Variants in ENO1 observed in about 807,000 individuals in gnomAD.
ENO1 encodes alpha-enolase.
A neutral mutation model predicts 46.3 loss-of-function variants in ENO1; 33 were observed. The observed-to-expected ratio is 0.71, with a 90% CI of 0.54 to 0.95. ENO1 has a LOEUF of 0.95. Ranked by LOEUF, ENO1 falls within the 40% of genes least tolerant of loss-of-function variation. ENO1 has a pLI of 0.00. For synonymous variants in ENO1, 220 were observed against 216.0 expected (o/e 1.02, Z -0.16); for missense variants, 488 against 553.3 (o/e 0.88, Z 1.18).
rs183139190 is a variant in ENO1, at chr1:8,867,269, G to A, written c.311-19C>T. The A allele has an allele frequency of 1.1e-3, 1,742 of 1,612,944 alleles. 13 individuals carry two copies. The African/African-American group carries it at 0.017, about 16-fold the overall frequency. On this transcript the variant is annotated intron_variant, in intron 5 of 11. Transcript: ENST00000234590. The stretch of plus-strand genomic sequence containing the variant: ...AACTTAGCTAGAACAGAAGAGAACC[G>A]AGTGGAATGAAGTCATTTCTGATTC...
intron 8 of ENO1, 42 bp downstream of exon 8, chr1:8,865,243 G>A (rs113122347): frequency 1.2e-6 from 2 of 1,605,484 alleles, no homozygotes; most frequent in Non-Finnish European, 1.7e-6. Flanking sequence ...CCTGCTGCAG[G>A]TCAGTGGCAG....
intron 2 of ENO1, among the ~76,000 whole-genome samples, chr1:8,873,389 G>GT (rs1042291362): frequency 1.3e-5 from 2 of 152,310 alleles, no homozygotes; most frequent in African/African-American, 2.4e-5. Context: ...ATCATTTCAT[G>GT]TTTTTTGAAA....
Position 8,862,938 on chromosome 1 carries a change from G to A in ENO1, c.1184C>T (p.Thr395Ile), listed in dbSNP as rs1340307452. 6.2e-7 allele frequency: 1 copy of A among 1,614,044 alleles called. No individual in the cohort carries two copies. The highest frequency in any genetic ancestry group is 1.7e-5 in the Admixed American group (1 of 60,010). Residue 395 changes from threonine (T) to isoleucine (I), a missense_variant, in exon 11 of 12, where the codon ACT becomes ATT. Coordinates refer to ENST00000234590, the MANE Select transcript of ENO1 (RefSeq NM_001428.5). ...VVGLCTGQIK[T>I]GAPCRSERLA... ...GCGCTCAGATCGGCAAGGGGCACCA[G>A]TCTTGATCTAGGAGAAAAGAAAGGC... is the stretch of plus-strand genomic sequence containing the variant.
At chr1:8,865,163 TG>T in intron 8 of ENO1, 121 bp downstream of exon 8, 7 of 1,212,978 alleles carry the variant, frequency 5.8e-6, no homozygotes, top group Non-Finnish European at 7.1e-6. Context: ...CTACGGGAGC[TG>T]GAAGTTCAGA....
intron 6 of ENO1, 95 bp downstream of exon 6, chr1:8,867,022 T>C (rs886610691): frequency 5.1e-5 from 78 of 1,523,570 alleles, no homozygotes; most frequent in Non-Finnish European, 6.6e-5. Context: ...GAGAGTCACA[T>C]GTGTTAGGAT....
intron 1 of ENO1, among the ~76,000 whole-genome samples, chr1:8,877,325 G>A (rs1293646551): frequency 2.0e-5 from 3 of 150,120 alleles, no homozygotes; most frequent in Non-Finnish European, 3.0e-5. Context: ...GACCTCAGGT[G>A]ATCCTGAGGA....
intron 5 of ENO1, among the ~76,000 whole-genome samples, chr1:8,867,609 G>A (rs1557582435): frequency 6.6e-6 from 1 of 151,272 alleles, no homozygotes; most frequent in Non-Finnish European, 1.5e-5. Context: ...AGGCTGCAGT[G>A]CAGCGGCAGG....
chr1:8,871,630 C>T (rs1280578580), intron 3 of ENO1: 3 of 1,276,210 alleles, frequency 2.4e-6, no homozygotes, highest in African/African-American at 3.0e-5. Context: ...AGGAGTATTT[C>T]GCAGATTGGG....
At position 8,874,577 on chromosome 1, in the gene ENO1, CAAAAAAAAAAA is replaced by C. The variant is rs140269736; in HGVS notation, c.85+236_85+246del. On this transcript the variant is annotated intron_variant, in intron 2 of 11. Coordinates refer to ENST00000234590, the MANE Select transcript of ENO1 (RefSeq NM_001428.5). ...TGGGTGACAGAGCAAGACTCCATCTCAAAAAAAAAAAAAAAAAAAAAAAGAAAAAGAAAAAG... is the reference window on the plus strand; with the variant it reads ...TGGGTGACAGAGCAAGACTCCATCTCAAAAAAAAAAAAGAAAAAGAAAAAG... Among the ~76,000 whole-genome samples the C allele has an allele frequency of 1.4e-4, 7 of 51,600 alleles. No homozygotes were observed. In the South Asian group the frequency reaches 4.7e-3, roughly 35 times the overall value. 33.9% of individuals were successfully genotyped at this position (51,600 alleles called of 152,430 possible). A position where few individuals can be genotyped will look rare whatever the true frequency, so the allele number is the denominator to read the frequency against.
intron 6 of ENO1, 140 bp from the exon 7 acceptor site, chr1:8,866,641 G>C: frequency 1.2e-6 from 1 of 857,510 alleles, no homozygotes; most frequent in Non-Finnish European, 1.8e-6. Flanking sequence ...GAGGGGCCAG[G>C]GTGCTGTGAA....
intron 11 of ENO1, among the ~76,000 whole-genome samples, chr1:8,861,650 C>CA (rs1642408152): frequency 6.6e-6 from 1 of 152,134 alleles, no homozygotes; most frequent in South Asian, 2.1e-4. Flanking sequence ...CATCCCAACT[C>CA]ACCATGCTAG....
At chr1:8,878,401 C>T (rs1364957241) in intron 1 of ENO1, 179 bp downstream of exon 1, 5 of 319,712 alleles carry the variant, frequency 1.6e-5, no homozygotes, top group Non-Finnish European at 2.4e-5. Context: ...CGCCCCCGCC[C>T]CGGGCCTCGG....
At chr1:8,870,541 C>A (rs765777536) in intron 3 of ENO1, 31 bp from the exon 4 acceptor site, 21 of 1,613,870 alleles carry the variant, frequency 1.3e-5, no homozygotes, top group Non-Finnish European at 1.8e-5. Context: ...AAATTACTGA[C>A]ATTAACTTTA....
chr1:8,870,759 A>C, intron 3 of ENO1: 1 of 1,420,124 alleles, frequency 7.0e-7, no homozygotes, highest in Non-Finnish European at 9.2e-7. Context: ...ATCTGACTGG[A>C]GGTTAGTTTG....
chr1:8,873,774 G>A (rs550086159), intron 2 of ENO1: 1 of 152,408 alleles, frequency 6.6e-6, no homozygotes, highest in African/African-American at 2.4e-5. Flanking sequence ...GTGACTCACA[G>A]ATGGTGACTC....
rs768503842 is a variant in ENO1, at chr1:8,867,302, T to G, written c.311-52A>C. The stretch of plus-strand genomic sequence containing the variant: ...TGAAGTCATTTCTGATTCACCAGCT[T>G]TTCTCCTGCTGTACTGCCCTGAGGG... On this transcript the variant is annotated intron_variant, in intron 5 of 11. Transcript: ENST00000234590. 10 of 1,606,938 alleles carry G rather than the reference T, an allele frequency of 6.2e-6. No homozygotes were observed. The East Asian group carries it at 2.2e-4, about 36-fold the overall frequency.
At chr1:8,877,177 C>T (rs1334593323) in intron 1 of ENO1, among the ~76,000 whole-genome samples, 7 of 152,072 alleles carry the variant, frequency 4.6e-5, no homozygotes, top group Admixed American at 4.6e-4. Flanking sequence ...TGGTCTCGAT[C>T]TCCTGACCTC....
At chr1:8,875,256 G>A (rs1446797503) in intron 1 of ENO1, among the ~76,000 whole-genome samples, 1 of 151,402 alleles carries the variant, frequency 6.6e-6, no homozygotes, top group African/African-American at 2.4e-5. Context: ...GCAACCTCTG[G>A]CATAAATGGG....
chr1:8,877,167 T>C (rs12752143), intron 1 of ENO1, among the ~76,000 whole-genome samples: 42,123 of 151,862 alleles, frequency 0.28, 6,854 homozygotes, highest in East Asian at 0.75. Flanking sequence ...TAGAGTAGGA[T>C]GGTCTCGATC....
Sources: gnomAD v4.1 joint callset for allele counts (sites outside exome capture counted in the v4.1 genomes callset) on GRCh38, gnomAD v4.1.1 for gene constraint, MANE v1.5 for transcripts, NCBI Gene and HGNC (gene_info 2026-07-23, HGNC 2026-07-21) for gene names.